Variants in CNTNAP2 observed in about 807,000 individuals in gnomAD.
CNTNAP2 encodes the protein contactin associated protein 2, also known as contactin-associated protein-like 2.
In CNTNAP2, 98 loss-of-function variants were observed where a neutral mutation model predicts 155.2. That is an observed-to-expected ratio of 0.63 (90% confidence interval 0.54 to 0.75). The LOEUF (loss-of-function observed/expected upper bound fraction) is 0.75, where lower values mean the gene tolerates loss of function less well. CNTNAP2 is among the 30% of genes least tolerant of loss of function. The probability of loss-of-function intolerance (pLI) is 0.00; values close to 1 mark genes in which losing one functional copy is unlikely to be tolerated. For synonymous variants in CNTNAP2, 651 were observed against 631.2 expected, an observed-to-expected ratio of 1.03 and a Z score of -0.47; for missense variants, 1,727 against 1,688.1, an observed-to-expected ratio of 1.02 and a Z score of -0.40.
At chr7:146,307,607 G>T (rs1247152529) in intron 1 of CNTNAP2, among the ~76,000 whole-genome samples, 1 of 152,130 alleles carries the variant, frequency 6.6e-6, no homozygotes, top group Non-Finnish European at 1.5e-5. Context: ...AACCAAAACA[G>T]CATGGTACTG....
At chr7:147,734,270 T>A (rs187576159) in intron 13 of CNTNAP2, among the ~76,000 whole-genome samples, 1 of 152,224 alleles carries the variant, frequency 6.6e-6, no homozygotes, top group Non-Finnish European at 1.5e-5. Context: ...TCTATTGAGA[T>A]AATCATGTGG....
intron 1 of CNTNAP2, among the ~76,000 whole-genome samples, chr7:146,404,434 C>G (rs73738755): frequency 0.017 from 2,586 of 152,220 alleles, 76 homozygotes; most frequent in African/African-American, 0.058. Context: ...GCAGCAACAT[C>G]CTTAATGCTT....
At chr7:148,098,379 G>A (rs1425491623) in intron 15 of CNTNAP2, among the ~76,000 whole-genome samples, 1 of 143,502 alleles carries the variant, frequency 7.0e-6, no homozygotes, top group Non-Finnish European at 1.5e-5. Context: ...AGGAGGCAGA[G>A]GTTGCTTTGA....
At chr7:147,175,958 A>G (rs1033450630) in intron 8 of CNTNAP2, among the ~76,000 whole-genome samples, 2 of 152,220 alleles carry the variant, frequency 1.3e-5, no homozygotes, top group African/African-American at 4.8e-5. Flanking sequence ...TGATTGGTCA[A>G]ACATATCCTA....
chr7:147,848,404 C>T (rs1015325303), intron 13 of CNTNAP2, among the ~76,000 whole-genome samples: 3 of 150,784 alleles, frequency 2.0e-5, no homozygotes, highest in African/African-American at 7.3e-5. Context: ...AAAGGGAACT[C>T]CCTGACCCCT....
intron 10 of CNTNAP2, among the ~76,000 whole-genome samples, chr7:147,403,064 A>G (rs1474015020): frequency 6.6e-6 from 1 of 152,136 alleles, no homozygotes; most frequent in Non-Finnish European, 1.5e-5. Context: ...AACATCTACA[A>G]TCCATTCTCT....
At chr7:147,428,475 A>G (rs1338765907) in intron 10 of CNTNAP2, among the ~76,000 whole-genome samples, 2 of 152,186 alleles carry the variant, frequency 1.3e-5, no homozygotes, top group African/African-American at 4.8e-5. Flanking sequence ...TTAGCGTTAC[A>G]TAAATTGCAT....
At chr7:147,182,524 A>G (rs1802482858) in intron 8 of CNTNAP2, among the ~76,000 whole-genome samples, 1 of 151,980 alleles carries the variant, frequency 6.6e-6, no homozygotes, top group South Asian at 2.1e-4. Flanking sequence ...TTGGTATTTG[A>G]TTTGCAGTCC....
chr7:146,192,721 C>T (rs1485591637), intron 1 of CNTNAP2, among the ~76,000 whole-genome samples: 1 of 152,180 alleles, frequency 6.6e-6, no homozygotes, highest in Non-Finnish European at 1.5e-5. Flanking sequence ...CCTCTGAAAT[C>T]TCATGTCCCC....
At chr7:146,720,637 T>A (rs959317631) in intron 1 of CNTNAP2, among the ~76,000 whole-genome samples, 2 of 151,986 alleles carry the variant, frequency 1.3e-5, no homozygotes, top group East Asian at 3.9e-4. Context: ...AAAATAGAAA[T>A]GACACCTATT....
intron 1 of CNTNAP2, among the ~76,000 whole-genome samples, chr7:146,427,359 G>A (rs73456850): frequency 0.043 from 6,466 of 152,134 alleles, 352 homozygotes; most frequent in African/African-American, 0.13. Flanking sequence ...ACTCAATACC[G>A]CCATTGTAGA....
intron 3 of CNTNAP2, among the ~76,000 whole-genome samples, chr7:146,848,978 G>A (rs6948402): frequency 0.33 from 49,439 of 151,752 alleles, 8,497 homozygotes; most frequent in African/African-American, 0.46. Flanking sequence ...ACGGGGTTTC[G>A]CCATGTTGGC....
intron 13 of CNTNAP2, among the ~76,000 whole-genome samples, chr7:147,810,388 C>G (rs989984649): frequency 1.3e-5 from 2 of 151,214 alleles, no homozygotes; most frequent in African/African-American, 2.4e-5. Flanking sequence ...CTTTTCTGTA[C>G]TAAAAAAAAC....
intron 2 of CNTNAP2, among the ~76,000 whole-genome samples, chr7:146,795,542 C>T (rs1353819781): frequency 1.3e-5 from 2 of 152,156 alleles, no homozygotes; most frequent in African/African-American, 4.8e-5. Flanking sequence ...GGCTCAGATC[C>T]CACAGGGAAG....
At chr7:147,401,103 A>C in intron 10 of CNTNAP2, among the ~76,000 whole-genome samples, 1 of 152,212 alleles carries the variant, frequency 6.6e-6, no homozygotes, top group East Asian at 1.9e-4. Flanking sequence ...TAGAGGCCAA[A>C]GCAAATTCAT....
chr7:147,288,846 G>C (rs1030662049), intron 8 of CNTNAP2, among the ~76,000 whole-genome samples: 2 of 152,096 alleles, frequency 1.3e-5, no homozygotes, highest in African/African-American at 4.8e-5. Context: ...TTTGTCTTGT[G>C]ACCTCACACA....
At chr7:147,153,962 G>T (rs557230249) in intron 8 of CNTNAP2, among the ~76,000 whole-genome samples, 1 of 152,178 alleles carries the variant, frequency 6.6e-6, no homozygotes, top group Non-Finnish European at 1.5e-5. Flanking sequence ...ATTTCCTGAT[G>T]GACTGGATAT....
chr7:147,762,739 G>A (rs567177828), intron 13 of CNTNAP2, among the ~76,000 whole-genome samples: 7 of 149,618 alleles, frequency 4.7e-5, no homozygotes, highest in Admixed American at 4.0e-4. Flanking sequence ...GAGGGAGGGA[G>A]GGAGGAAGGA....
chr7:147,923,748 C>A (rs1800328713), intron 14 of CNTNAP2, among the ~76,000 whole-genome samples: 1 of 151,396 alleles, frequency 6.6e-6, no homozygotes, highest in South Asian at 2.1e-4. Flanking sequence ...CCAGGCTGGT[C>A]TCAAAGTCCT....
Sources: gnomAD v4.1 joint callset for allele counts (sites outside exome capture counted in the v4.1 genomes callset) on GRCh38, gnomAD v4.1.1 for gene constraint, MANE v1.5 for transcripts, NCBI Gene and HGNC (gene_info 2026-07-23, HGNC 2026-07-21) for gene names.